Variants in TBC1D5 observed in about 807,000 individuals in gnomAD.
TBC1D5 encodes TBC1 domain family, member 5.
TBC1D5 carries 75 observed loss-of-function variants against 100.3 expected under a neutral mutation model. The observed-to-expected ratio is 0.75, with a 90% confidence interval of 0.62 to 0.91. The LOEUF (loss-of-function observed/expected upper bound fraction) is 0.91. Among genes scored for constraint, TBC1D5 ranks in the 40% least tolerant of loss-of-function variants. The probability of loss-of-function intolerance (pLI) is 0.00; values close to 1 mark genes in which losing one functional copy is unlikely to be tolerated. For missense variants in TBC1D5, 910 were observed against 942.4 expected, an observed-to-expected ratio of 0.97 and a Z score of 0.45; for synonymous variants, 323 against 325.6, an observed-to-expected ratio of 0.99 and a Z score of 0.09.
chr3:17,407,483 C>G (rs2093802410), intron 4 of TBC1D5, among the ~76,000 whole-genome samples: 1 of 152,100 alleles, frequency 6.6e-6, no homozygotes, highest in African/African-American at 2.4e-5. Flanking sequence ...ACGGCAATAT[C>G]TTAAGAGAGA....
chr3:17,593,878 T>C (rs1292233002), intron 2 of TBC1D5, among the ~76,000 whole-genome samples: 3 of 152,194 alleles, frequency 2.0e-5, no homozygotes, highest in Non-Finnish European at 4.4e-5. Flanking sequence ...AGGCTGTGTA[T>C]GCTCTGAATC....
intron 2 of TBC1D5, among the ~76,000 whole-genome samples, chr3:17,523,760 C>T (rs2096092021): frequency 1.3e-5 from 2 of 152,128 alleles, no homozygotes; most frequent in South Asian, 4.1e-4. Flanking sequence ...ATATATCATG[C>T]ATTCTCAATG....
rs554262388 is a variant in TBC1D5, at chr3:17,213,528, G to A, written c.1752+679C>T. On this transcript the variant is annotated intron_variant, in intron 18 of 21. Transcript: ENST00000253692. ...TGTCTGTAATCCCAGCATTTTGGAA[G>A]GCCAAGGCGGGCAGATCACTTGAGC... is the stretch of plus-strand genomic sequence containing the variant. 6.6e-5 allele frequency among the ~76,000 whole-genome samples: 10 copies of A among 152,082 alleles called. No individual in the cohort carries two copies. The South Asian group carries it at 1.9e-3, about 28-fold the overall frequency.
intron 15 of TBC1D5, among the ~76,000 whole-genome samples, chr3:17,287,612 C>T (rs1474188039): frequency 6.6e-6 from 1 of 152,218 alleles, no homozygotes; most frequent in Non-Finnish European, 1.5e-5. Context: ...CTGCCTACCT[C>T]ATAGGGTTGT....
intron 1 of TBC1D5, among the ~76,000 whole-genome samples, chr3:17,701,162 A>C (rs1030635359): frequency 2.0e-5 from 3 of 152,176 alleles, no homozygotes; most frequent in Non-Finnish European, 4.4e-5. Flanking sequence ...AAAAAGGATG[A>C]GTTCATGTCC....
chr3:17,724,374 C>T (rs2075951317), intron 1 of TBC1D5, among the ~76,000 whole-genome samples: 2 of 152,164 alleles, frequency 1.3e-5, no homozygotes, highest in African/African-American at 2.4e-5. Context: ...GGGTTACAGG[C>T]ATGAGCCACC....
chr3:17,415,415 C>T (rs1337569782), intron 4 of TBC1D5, among the ~76,000 whole-genome samples: 2 of 152,024 alleles, frequency 1.3e-5, no homozygotes, highest in Non-Finnish European at 2.9e-5. Flanking sequence ...CTGCCTCAGC[C>T]TCCCAAAGGG....
At chr3:17,561,159 T>G (rs1408316267) in intron 2 of TBC1D5, among the ~76,000 whole-genome samples, 1 of 152,196 alleles carries the variant, frequency 6.6e-6, no homozygotes, top group African/African-American at 2.4e-5. Context: ...ATTACAGGCA[T>G]GTTTACCTTA....
intron 1 of TBC1D5, among the ~76,000 whole-genome samples, chr3:17,697,506 T>C (rs1340008727): frequency 2.0e-5 from 3 of 152,206 alleles, no homozygotes; most frequent in South Asian, 2.1e-4. Flanking sequence ...CCATTCACAA[T>C]TGCTACCAAG....
At chr3:17,513,056 G>A (rs191715670) in intron 2 of TBC1D5, among the ~76,000 whole-genome samples, 17 of 152,124 alleles carry the variant, frequency 1.1e-4, no homozygotes, top group East Asian at 7.7e-4. Context: ...AATACAGGCC[G>A]GGCATGGTGG....
intron 8 of TBC1D5, among the ~76,000 whole-genome samples, chr3:17,400,988 A>G (rs968166261): frequency 6.6e-6 from 1 of 151,950 alleles, no homozygotes; most frequent in African/African-American, 2.4e-5. Flanking sequence ...CAGCTTGCAG[A>G]TGGCCTATTG....
chr3:17,175,477 T>C (rs979897911), intron 19 of TBC1D5, among the ~76,000 whole-genome samples: 1 of 152,236 alleles, frequency 6.6e-6, no homozygotes, highest in African/African-American at 2.4e-5. Flanking sequence ...GATATGGCTA[T>C]AACATTAGGG....
chr3:17,229,149 G>T (rs534864048), intron 17 of TBC1D5, among the ~76,000 whole-genome samples: 28 of 152,134 alleles, frequency 1.8e-4, no homozygotes, highest in Non-Finnish European at 3.4e-4. Context: ...TGCTGGGAAC[G>T]TATAACCTAG....
At chr3:17,295,075 T>C (rs539897872) in intron 14 of TBC1D5, among the ~76,000 whole-genome samples, 5 of 152,314 alleles carry the variant, frequency 3.3e-5, no homozygotes, top group Non-Finnish European at 4.4e-5. Flanking sequence ...AGAAAAATTA[T>C]TGAGTTTTGT....
intron 13 of TBC1D5, among the ~76,000 whole-genome samples, chr3:17,318,242 G>T (rs1346279189): frequency 4.4e-5 from 5 of 113,752 alleles, no homozygotes; most frequent in African/African-American, 1.7e-4. Context: ...TGGGGGGAGG[G>T]GGGAGGGATA....
chr3:17,399,253 A>C (rs2093587807), intron 8 of TBC1D5, among the ~76,000 whole-genome samples: 2 of 152,122 alleles, frequency 1.3e-5, no homozygotes, highest in Admixed American at 1.3e-4. Context: ...GTGATTATAA[A>C]TCTGCTTTGA....
intron 18 of TBC1D5, among the ~76,000 whole-genome samples, chr3:17,187,357 A>T (rs2069263552): frequency 6.6e-6 from 1 of 152,226 alleles, no homozygotes; most frequent in Admixed American, 6.5e-5. Context: ...TGCTGTAAAG[A>T]AGTTTAGGCT....
At chr3:17,587,683 A>G (rs1354508786) in intron 2 of TBC1D5, among the ~76,000 whole-genome samples, 1 of 152,026 alleles carries the variant, frequency 6.6e-6, no homozygotes, top group Non-Finnish European at 1.5e-5. Flanking sequence ...TTAACTTTCA[A>G]TCTAATTTGA....
chr3:17,624,134 G>C (rs1017101036), intron 1 of TBC1D5, among the ~76,000 whole-genome samples: 16 of 152,032 alleles, frequency 1.1e-4, no homozygotes, highest in Admixed American at 7.2e-4. Context: ...GCTTTTCCTA[G>C]GCACAGCACT....
Sources: gnomAD v4.1 joint callset for allele counts (sites outside exome capture counted in the v4.1 genomes callset) on GRCh38, gnomAD v4.1.1 for gene constraint, MANE v1.5 for transcripts, NCBI Gene and HGNC (gene_info 2026-07-23, HGNC 2026-07-21) for gene names.